The following TMEM92 variants were observed in gnomAD, a reference collection of about 807,000 sequenced individuals.
TMEM92 encodes the protein transmembrane protein 92.
Under a neutral mutation model 14.6 loss-of-function variants are expected in TMEM92, and 15 were observed. The ratio of observed to expected loss-of-function variants is 1.03; its 90% CI spans 0.69 to 1.58. TMEM92 has a LOEUF of 1.58. TMEM92 is among the 40% of genes most tolerant of loss of function. The pLI, the probability that TMEM92 is intolerant of heterozygous loss-of-function variation, is 0.00. For synonymous variants in TMEM92, 85 were observed against 83.3 expected (o/e 1.02, Z -0.11); for missense variants, 174 against 202.4 (o/e 0.86, Z 0.85).
rs775170189 is a variant in TMEM92, at chr17:50,278,906, G to A, written c.276G>A (p.Val92=). Residue 92 remains valine, a synonymous_variant, in exon 4 of 5, where the codon GTG becomes GTA. Coordinates refer to ENST00000507382, the MANE Select transcript of TMEM92 (RefSeq NM_153229.3). The stretch of plus-strand genomic sequence containing the variant: ...GAGAGCCGGAGCCAGACAGCCCAGT[G>A]GATTGCCGGGGGCCCCTGGAACTGC... ...NCREPEPDSP[V]DCRGPLELPS... The A allele has an allele frequency of 6.2e-7, 1 of 1,613,918 alleles. No individual in the cohort carries two copies. The highest frequency in any genetic ancestry group is 8.5e-7 in the Non-Finnish European group (1 of 1,179,884).
At chr17:50,276,307 T>C (rs1331412175) in intron 1 of TMEM92, among the ~76,000 whole-genome samples, 1 of 152,114 alleles carries the variant, frequency 6.6e-6, no homozygotes, top group Non-Finnish European at 1.5e-5. Flanking sequence ...TAGTCATTCC[T>C]GTGTGCTGTG....
In TMEM92 at chr17:50,274,522, C is replaced by G. The variant is rs771357408; in HGVS notation, c.21C>G (p.Pro7=). 119 of 1,613,744 alleles carry G rather than the reference C, an allele frequency of 7.4e-5. No homozygotes were observed. Among genetic ancestry groups the G allele is most frequent in the Non-Finnish European group, 8.6e-5 (102 of 1,179,916 alleles). MSQAWV[P]GLAPTLLFSL... Reference sequence around the variant, plus strand: ...CCAGGATGTCCCAAGCTTGGGTCCCCGGCCTCGCGCCCACCTTGCTGTTCA... The same window carrying G: ...CCAGGATGTCCCAAGCTTGGGTCCCGGGCCTCGCGCCCACCTTGCTGTTCA... The change falls in exon 1 of 5, where the codon CCC becomes CCG. Residue 7 remains proline (P), a synonymous_variant. Coordinates refer to ENST00000507382, the MANE Select transcript of TMEM92 (RefSeq NM_153229.3).
Position 50,279,422 on chromosome 17 carries a change from G to C in TMEM92, c.*114G>C, listed in dbSNP as rs925802193. The C allele has an allele frequency of 1.2e-6, 1 of 839,776 alleles. No individual in the cohort carries two copies. Among genetic ancestry groups the C allele is most frequent in the Non-Finnish European group, 2.0e-6 (1 of 507,274 alleles). The allele number at this position is 839,776 out of a possible 1,614,324, so 52.0% of individuals were successfully genotyped here. On this transcript the variant is annotated 3_prime_UTR_variant, in exon 5 of 5. Transcript: ENST00000507382. ...TCCCTGCCCATCCTGCCGTGTCTCT[G>C]TTCATTCTTGGATTTAACTTATTAC... is the stretch of plus-strand genomic sequence containing the variant.
At chr17:50,273,568 C>G (rs1464651107), upstream of TMEM92, among the ~76,000 whole-genome samples, 1 of 152,248 alleles carries the variant, frequency 6.6e-6, no homozygotes, top group Non-Finnish European at 1.5e-5. Context: ...AATGCACCAA[C>G]ACCTCCTGTA....
intron 1 of TMEM92, among the ~76,000 whole-genome samples, chr17:50,277,170 A>G (rs543301229): frequency 6.6e-6 from 1 of 152,202 alleles, no homozygotes; most frequent in East Asian, 1.9e-4. Flanking sequence ...GACAGGTGTA[A>G]AACAGCCAGG....
chr17:50,275,571 C>T (rs1037983427), intron 1 of TMEM92, among the ~76,000 whole-genome samples: 3 of 152,128 alleles, frequency 2.0e-5, no homozygotes, highest in Admixed American at 6.5e-5. Flanking sequence ...ACCACCCTGA[C>T]GCTCCATAAA....
At chr17:50,278,683 G>C in intron 3 of TMEM92, 53 bp downstream of exon 3, 1 of 1,596,588 alleles carries the variant, frequency 6.3e-7, no homozygotes, top group South Asian at 1.1e-5. Flanking sequence ...GCCTGGTCCT[G>C]TGTGGACAAG....
rs1390356158 is a variant in TMEM92 at position 50,278,881 on chromosome 17, G to A, written c.251G>A (p.Arg84Lys). The A allele has an allele frequency of 1.2e-6, 2 of 1,613,904 alleles. No homozygotes were observed. The highest frequency in any genetic ancestry group is 2.2e-5 in the South Asian group (2 of 91,074). Residue 84 changes from arginine (R) to lysine (K), a missense_variant, in exon 4 of 5, where the codon AGA (arginine) becomes AAA (lysine). Physicochemically the swap from Arg to Lys is conservative, Grantham distance 26. Coordinates refer to ENST00000507382, the MANE Select transcript of TMEM92 (RefSeq NM_153229.3). ...GCTAAGTGCTTCTGTCGCAACTGCA[G>A]AGAGCCGGAGCCAGACAGCCCAGTG... Reference protein sequence around the residue: ...GLAKCFCRNCREPEPDSPVDC... With the variant: ...GLAKCFCRNCKEPEPDSPVDC...
chr17:50,277,772 G>A (rs1163627631), intron 2 of TMEM92, 32 bp downstream of exon 2: 2 of 1,613,732 alleles, frequency 1.2e-6, no homozygotes, highest in East Asian at 2.2e-5. Context: ...TCCAATCTGG[G>A]GAGCGGGGAG....
At chr17:50,277,873 C>A in intron 2 of TMEM92, 133 bp downstream of exon 2, 2 of 1,168,774 alleles carry the variant, frequency 1.7e-6, no homozygotes, top group Non-Finnish European at 2.5e-6. Flanking sequence ...CAGAAACTGT[C>A]CCCCCACTTT....
At chr17:50,276,888 A>C (rs780505901) in intron 1 of TMEM92, among the ~76,000 whole-genome samples, 26 of 152,230 alleles carry the variant, frequency 1.7e-4, no homozygotes, top group Non-Finnish European at 3.8e-4. Context: ...AAAGTTAAGC[A>C]CACTAAGGGA....
rs779855231 is a variant in TMEM92 at position 50,274,479 on chromosome 17, A to G, written c.-23A>G. The stretch of plus-strand genomic sequence containing the variant: ...CAGCCCCGCCTTCTCTACACAGGAA[A>G]GCTCAGTGGCCCCCAAGCCAGGATG... On this transcript the variant is annotated 5_prime_UTR_variant, in exon 1 of 5. Transcript: ENST00000507382. 1 of 1,613,632 alleles carries G rather than the reference A, an allele frequency of 6.2e-7. No homozygotes were observed. Among genetic ancestry groups the G allele is most frequent in the South Asian group, 1.1e-5 (1 of 91,038 alleles).
In TMEM92 at chr17:50,279,296, C is replaced by T. The variant is rs1221122290; in HGVS notation, c.468C>T (p.Asn156=). The part of the protein sequence containing the change: ...EYTGDQRGID[N]PAF ...CCGGGGATCAGAGGGGCATTGACAA[C>T]CCGGCCTTCTGAGTCACCTCCTGCC... Residue 156 remains asparagine, a synonymous_variant, in exon 5 of 5, where the codon AAC becomes AAT. Transcript: ENST00000507382. The T allele has an allele frequency of 1.9e-6, 3 of 1,613,742 alleles. No homozygotes were observed. The Admixed American group carries it at 5.0e-5, about 27-fold the overall frequency.
At chr17:50,273,461 GC>G (rs1239927019), upstream of TMEM92, among the ~76,000 whole-genome samples, 2 of 152,254 alleles carry the variant, frequency 1.3e-5, no homozygotes, top group East Asian at 3.9e-4. Flanking sequence ...CTGCTCGCCC[GC>G]GCCCCGGCGG....
upstream of TMEM92, among the ~76,000 whole-genome samples, chr17:50,273,641 A>G (rs898381650): frequency 6.6e-6 from 1 of 152,186 alleles, no homozygotes; most frequent in Non-Finnish European, 1.5e-5. Context: ...TCCTTCCTCG[A>G]CCTGGAAATC....
rs778974673 is a variant in TMEM92, at chr17:50,278,557, GC to G, written c.99del (p.Cys34AlafsTer23). The G allele has an allele frequency of 3.1e-6, 5 of 1,613,870 alleles. No homozygotes were observed. The African/African-American group carries it at 6.7e-5, about 22-fold the overall frequency. The stretch of plus-strand genomic sequence containing the variant: ...CCCTTTTCTGTGCCCTCTGACCAGT[GC>G]CTGCCCCAAAGGATTCAAATGCTGT... ...KIAAKCGLIL[A>X]CPKGFKCCGD... is the part of the protein sequence containing the mutation. On this transcript the variant is annotated frameshift_variant and splice_region_variant, in exon 3 of 5. Coordinates refer to ENST00000507382, the MANE Select transcript of TMEM92 (RefSeq NM_153229.3). LOFTEE classifies it high-confidence loss of function.
chr17:50,274,140 G>A (rs1040503437), upstream of TMEM92, among the ~76,000 whole-genome samples: 1 of 141,556 alleles, frequency 7.1e-6, no homozygotes, highest in Admixed American at 7.1e-5. Context: ...CACCACGCCC[G>A]GCTAAATTTT....
chr17:50,279,045 C>A, intron 4 of TMEM92, 49 bp downstream of exon 4: 1 of 1,457,092 alleles, frequency 6.9e-7, no homozygotes, highest in Middle Eastern at 1.8e-4. Context: ...GGCTGTGCAG[C>A]AGAGACAGTG....
chr17:50,278,719 G>A (rs1255290055), intron 3 of TMEM92, 82 bp from the exon 4 acceptor site: 2 of 1,575,524 alleles, frequency 1.3e-6, no homozygotes, highest in East Asian at 4.5e-5. Context: ...AGGGGGCAGT[G>A]TGGGCGGCGG....
Sources: gnomAD v4.1 joint callset for allele counts (sites outside exome capture counted in the v4.1 genomes callset) on GRCh38, gnomAD v4.1.1 for gene constraint, MANE v1.5 for transcripts, NCBI Gene and HGNC (gene_info 2026-07-23, HGNC 2026-07-21) for gene names.